Variants in ZCWPW2 observed in about 807,000 individuals in gnomAD.
The protein encoded by ZCWPW2 is zinc finger CW-type and PWWP domain containing 2, also known as zinc finger CW-type PWWP domain protein 2.
In ZCWPW2, 45 loss-of-function variants were observed where a neutral mutation model predicts 46.6. That is an observed-to-expected ratio of 0.96 (90% CI 0.76 to 1.24). ZCWPW2 has a LOEUF of 1.24. ZCWPW2 is among the 50% of genes most tolerant of loss of function. The pLI, the probability that ZCWPW2 is intolerant of heterozygous loss-of-function variation, is 0.00. For missense variants in ZCWPW2, 429 were observed against 403.9 expected, an observed-to-expected ratio of 1.06 and a Z score of -0.53; for synonymous variants, 152 against 137.1, an observed-to-expected ratio of 1.11 and a Z score of -0.76.
At position 28,365,596 on chromosome 3, in the gene ZCWPW2, G is replaced by C. The variant is rs1182585702; in HGVS notation, c.-134+16393G>C. 9.2e-5 allele frequency among the ~76,000 whole-genome samples: 13 copies of C among 140,922 alleles called. 1 individual carries two copies. The highest frequency in any genetic ancestry group is 1.7e-4 in the Non-Finnish European group (11 of 63,034). 92.5% of individuals were successfully genotyped at this position (140,922 alleles called of 152,430 possible). ...CAGGTAGCGTGATGCCTCCAGCTTT[G>C]TTCTTTTGGCTTAGGATTGACTTGG... On this transcript the variant is annotated intron_variant, in intron 1 of 9. Transcript: ENST00000383768.
intron 1 of ZCWPW2, among the ~76,000 whole-genome samples, chr3:28,377,904 C>T (rs764043713): frequency 2.0e-5 from 3 of 152,024 alleles, no homozygotes; most frequent in Non-Finnish European, 4.4e-5. Flanking sequence ...TTACTTTTCC[C>T]TTGAAAATAT....
At chr3:28,362,392 C>A (rs531206571) in intron 1 of ZCWPW2, among the ~76,000 whole-genome samples, 2 of 152,084 alleles carry the variant, frequency 1.3e-5, no homozygotes, top group East Asian at 1.9e-4. Flanking sequence ...AAACAAAAAA[C>A]AAGCCCATTA....
intron 4 of ZCWPW2, among the ~76,000 whole-genome samples, chr3:28,453,691 T>A (rs1008261889): frequency 6.6e-6 from 1 of 152,036 alleles, no homozygotes. Flanking sequence ...GTTGGGGTTC[T>A]TAAATTAGTA....
chr3:28,479,165 G>C (rs1396193302), intron 5 of ZCWPW2, among the ~76,000 whole-genome samples: 1 of 151,984 alleles, frequency 6.6e-6, no homozygotes, highest in East Asian at 1.9e-4. Context: ...GTTCTTGTTA[G>C]CACTTTTGTT....
At chr3:28,509,289 T>A (rs1240815988) in intron 6 of ZCWPW2, among the ~76,000 whole-genome samples, 2 of 152,188 alleles carry the variant, frequency 1.3e-5, no homozygotes, top group African/African-American at 4.8e-5. Flanking sequence ...TTATGAACAA[T>A]CATGTACTGG....
rs1178900503 is a variant in ZCWPW2 at position 28,493,042 on chromosome 3, T to C, written c.657+869T>C. On this transcript the variant is annotated intron_variant, in intron 6 of 9. Transcript: ENST00000383768. The stretch of plus-strand genomic sequence containing the variant: ...TTTTATGAGTCCTTCTAAAATCAGG[T>C]TTTGTTTTATCTTTTTGCTTTTTGG... Among the ~76,000 whole-genome samples, 11 of 146,920 alleles carry C rather than the reference T, an allele frequency of 7.5e-5. No homozygotes were observed. In the East Asian group the frequency reaches 1.9e-3, roughly 26 times the overall value.
At chr3:28,413,502 G>C in intron 3 of ZCWPW2, 102 bp downstream of exon 3, 10 of 1,045,664 alleles carry the variant, frequency 9.6e-6, no homozygotes, top group Non-Finnish European at 1.4e-5. Context: ...TTGTCTACTT[G>C]TTTCTTGATT....
chr3:28,399,856 A>G lies in ZCWPW2; in HGVS notation c.-14+9239A>G, dbSNP rs150053716. Among the ~76,000 whole-genome samples, 408 of 152,332 alleles carry G rather than the reference A, an allele frequency of 2.7e-3. 1 individual carries two copies. The highest frequency in any genetic ancestry group is 4.7e-3 in the Non-Finnish European group (321 of 68,030). ...AAACCAGAAAATCAACTCTGGTAAT[A>G]TGACAAAACAAGGTTCTTTAACACC... is the stretch of plus-strand genomic sequence containing the variant. On this transcript the variant is annotated intron_variant, in intron 2 of 9. Coordinates refer to ENST00000383768, the MANE Select transcript of ZCWPW2 (RefSeq NM_001040432.4).
chr3:28,348,949 A>T lies in ZCWPW2; in HGVS notation c.-388A>T. The stretch of plus-strand genomic sequence containing the variant: ...GCCGGAGGGAGGGGAAGCACTCCGG[A>T]AAGTGATTGGAAGTGTGGATGAGCT... On this transcript the variant is annotated 5_prime_UTR_variant, in exon 1 of 10. Transcript: ENST00000383768. 1.0e-6 allele frequency: 1 copy of T among 985,432 alleles called. No individual in the cohort carries two copies. Among genetic ancestry groups the T allele is most frequent in the Non-Finnish European group, 1.2e-6 (1 of 829,982 alleles). 61.0% of individuals were successfully genotyped at this position (985,432 alleles called of 1,614,324 possible). A position where few individuals can be genotyped will look rare whatever the true frequency, so the allele number is the denominator to read the frequency against.
chr3:28,480,160 G>T (rs1331446282), intron 5 of ZCWPW2, among the ~76,000 whole-genome samples: 1 of 152,078 alleles, frequency 6.6e-6, no homozygotes, highest in East Asian at 1.9e-4. Flanking sequence ...CTTACACAAT[G>T]GTTGAACTAA....
intron 3 of ZCWPW2, among the ~76,000 whole-genome samples, chr3:28,424,152 T>G (rs562429738): frequency 1.3e-5 from 2 of 152,022 alleles, no homozygotes; most frequent in African/African-American, 2.4e-5. Flanking sequence ...TACCTTGTTT[T>G]CATTCATGTT....
rs1700539796 is a variant in ZCWPW2 at position 28,515,572 on chromosome 3, C to T, written c.735C>T (p.Cys245=). ...RKRKRKAILK[C]SFENVYSDDA... The stretch of plus-strand genomic sequence containing the variant: ...TTTCTAGGAAAGCAATTTTAAAATG[C>T]TCTTTTGAAAATGTTTATTCTGATG... Residue 245 remains cysteine (C), a synonymous_variant, in exon 8 of 10, where the codon TGC becomes TGT. Transcript: ENST00000383768. 2.5e-6 allele frequency: 4 copies of T among 1,611,004 alleles called. No individual in the cohort carries two copies. The highest frequency in any genetic ancestry group is 3.4e-6 in the Non-Finnish European group (4 of 1,178,310).
intron 3 of ZCWPW2, among the ~76,000 whole-genome samples, chr3:28,426,212 GAT>G (rs1306963836): frequency 6.6e-6 from 1 of 151,722 alleles, no homozygotes; most frequent in Admixed American, 6.6e-5. Context: ...GTACCAGAAA[GAT>G]AAAACTCTCC....
intron 1 of ZCWPW2, among the ~76,000 whole-genome samples, chr3:28,352,154 ACACACACACACAC>A (rs1170785392): frequency 1.4e-5 from 2 of 146,674 alleles, no homozygotes; most frequent in African/African-American, 5.0e-5. Context: ...ACACACACAC[ACACACACACACAC>A]GAGAGAGAAT....
At chr3:28,399,751 T>C (rs1308352837) in intron 2 of ZCWPW2, among the ~76,000 whole-genome samples, 1 of 152,244 alleles carries the variant, frequency 6.6e-6, no homozygotes, top group East Asian at 1.9e-4. Context: ...ATCAAGGTAA[T>C]ACCCCATAGG....
At chr3:28,498,060 G>A (rs769413131) in intron 6 of ZCWPW2, among the ~76,000 whole-genome samples, 1 of 151,994 alleles carries the variant, frequency 6.6e-6, no homozygotes, top group African/African-American at 2.4e-5. Context: ...CATAATACTT[G>A]TGCAGGCCAG....
chr3:28,515,672 A>C, intron 8 of ZCWPW2, 51 bp downstream of exon 8: 1 of 1,514,600 alleles, frequency 6.6e-7, no homozygotes, highest in Non-Finnish European at 9.0e-7. Context: ...ATATAATTCC[A>C]CAGAATGTAG....
At position 28,471,035 on chromosome 3, in the gene ZCWPW2, A is replaced by G. The variant is rs534889037; in HGVS notation, c.493-7779A>G. Among the ~76,000 whole-genome samples, 5 of 152,302 alleles carry G rather than the reference A, an allele frequency of 3.3e-5. No homozygotes were observed. In the South Asian group the frequency reaches 1.0e-3, roughly 32 times the overall value. ...AATGGATAAATTTCTAGACCGTACAACCTACCAAGATTGCACCACAAAGAA... is the reference window on the plus strand; with the variant it reads ...AATGGATAAATTTCTAGACCGTACAGCCTACCAAGATTGCACCACAAAGAA... On this transcript the variant is annotated intron_variant, in intron 4 of 9. Coordinates refer to ENST00000383768, the MANE Select transcript of ZCWPW2 (RefSeq NM_001040432.4).
intron 6 of ZCWPW2, among the ~76,000 whole-genome samples, chr3:28,492,903 C>G (rs1403988842): frequency 1.3e-5 from 2 of 152,042 alleles, no homozygotes; most frequent in African/African-American, 4.8e-5. Context: ...AGTGGTGAGG[C>G]AGAGCAGATC....
Sources: allele counts gnomAD v4.1 joint callset (sites outside exome capture counted in the v4.1 genomes callset), GRCh38; gene constraint gnomAD v4.1.1; transcripts MANE v1.5; gene names NCBI Gene and HGNC (gene_info 2026-07-23, HGNC 2026-07-21).